Variants in RNF17 observed in about 807,000 individuals in gnomAD.
RNF17 encodes ring finger protein 17.
A neutral mutation model predicts 200.5 loss-of-function variants in RNF17; 31 were observed. The observed-to-expected ratio is 0.15, with a 90% CI of 0.12 to 0.21. The LOEUF is 0.21. Among genes scored for constraint, RNF17 ranks in the 10% least tolerant of loss-of-function variants. The probability of loss-of-function intolerance (pLI) is 1.00; values close to 1 mark genes in which losing one functional copy is unlikely to be tolerated. For synonymous variants in RNF17, 606 were observed against 637.8 expected (o/e 0.95, Z 0.75); for missense variants, 1,628 against 1,905.1 (o/e 0.85, Z 2.71).
upstream of RNF17, among the ~76,000 whole-genome samples, chr13:24,761,491 T>C (rs1878736121): frequency 6.6e-6 from 1 of 152,234 alleles, no homozygotes; most frequent in Non-Finnish European, 1.5e-5. Flanking sequence ...TGAAACTTTC[T>C]AAAAGACATT....
At chr13:24,849,764 T>A (rs1179992093) in intron 22 of RNF17, among the ~76,000 whole-genome samples, 1 of 152,208 alleles carries the variant, frequency 6.6e-6, no homozygotes, top group Non-Finnish European at 1.5e-5. Flanking sequence ...ATGTAAAAAA[T>A]TTTGTTGAAT....
At chr13:24,778,855 T>C (rs941500723) in intron 4 of RNF17, among the ~76,000 whole-genome samples, 2 of 152,168 alleles carry the variant, frequency 1.3e-5, no homozygotes, top group East Asian at 3.8e-4. Flanking sequence ...AGATTAGAAA[T>C]AGAACAAACT....
chr13:24,778,046 G>T (rs1240260053), intron 3 of RNF17, among the ~76,000 whole-genome samples: 2 of 152,140 alleles, frequency 1.3e-5, no homozygotes, highest in African/African-American at 4.8e-5. Context: ...TAGATCACTT[G>T]AGCTTAGGAT....
intron 24 of RNF17, among the ~76,000 whole-genome samples, chr13:24,852,190 G>A (rs1891981055): frequency 6.8e-6 from 1 of 146,746 alleles, no homozygotes; most frequent in African/African-American, 2.5e-5. Context: ...CCAGGCTGGA[G>A]TGCAGTGGCG....
chr13:24,867,643 A>G (rs983875289), intron 30 of RNF17, among the ~76,000 whole-genome samples: 2 of 152,188 alleles, frequency 1.3e-5, no homozygotes, highest in African/African-American at 4.8e-5. Context: ...GTTTTACTTA[A>G]GATAATTACC....
intron 1 of RNF17, 132 bp downstream of exon 1, chr13:24,764,465 C>T: frequency 7.7e-7 from 1 of 1,302,412 alleles, no homozygotes; most frequent in African/African-American, 1.5e-5. Context: ...GCGTCACAGG[C>T]CTCCCGCGAG....
chr13:24,833,024 G>A lies in RNF17; in HGVS notation c.2482+1046G>A, dbSNP rs370515566. ...GCCTCCCAAAGTTCTGGGATTACAG[G>A]TGTGAGCCACTTTGCCTGACTGGGA... On this transcript the variant is annotated intron_variant, in intron 18 of 35. Coordinates refer to ENST00000255324, the MANE Select transcript of RNF17 (RefSeq NM_031277.3). Among the ~76,000 whole-genome samples the A allele has an allele frequency of 3.3e-5, 5 of 152,182 alleles. No individual in the cohort carries two copies. In the East Asian group the frequency reaches 7.7e-4, roughly 23 times the overall value.
At chr13:24,748,536 A>G in the RNF17 span, among the ~76,000 whole-genome samples, 1 of 152,230 alleles carries the variant, frequency 6.6e-6, no homozygotes, top group Non-Finnish European at 1.5e-5. Context: ...TATTTTGCAG[A>G]TTTAATCTGC....
chr13:24,886,189 G>C, the RNF17 span: 1 of 623,756 alleles, frequency 1.6e-6, no homozygotes, highest in South Asian at 1.5e-5. Context: ...TGAAGTGCCA[G>C]TATTTTCATC....
chr13:24,773,345 G>A (rs770876691), intron 2 of RNF17, among the ~76,000 whole-genome samples: 3 of 152,154 alleles, frequency 2.0e-5, no homozygotes, highest in Non-Finnish European at 2.9e-5. Context: ...AATGTTGTAC[G>A]TATACACCAC....
chr13:24,835,880 A>C (rs183165577), intron 18 of RNF17, among the ~76,000 whole-genome samples: 1 of 152,344 alleles, frequency 6.6e-6, no homozygotes, highest in African/African-American at 2.4e-5. Context: ...AATCAGGGAG[A>C]AAGGCGAAGC....
At chr13:24,868,524 G>A (rs958410899) in intron 30 of RNF17, 76 bp from the exon 31 acceptor site, 23 of 647,622 alleles carry the variant, frequency 3.6e-5, no homozygotes, top group Non-Finnish European at 6.5e-5. Flanking sequence ...AGGTAAATTG[G>A]CACCATCATG....
chr13:24,876,949 A>G (rs1894926453), intron 33 of RNF17, 48 bp from the exon 34 acceptor site: 1 of 1,426,410 alleles, frequency 7.0e-7, no homozygotes, highest in Non-Finnish European at 9.5e-7. Flanking sequence ...AGAATTGGAT[A>G]GTTTCAGCCG....
the RNF17 span, among the ~76,000 whole-genome samples, chr13:24,748,342 G>A: frequency 2.6e-5 from 4 of 152,226 alleles, no homozygotes; most frequent in Non-Finnish European, 5.9e-5. Context: ...GGCACATGCG[G>A]CTCATAGCCC....
intron 15 of RNF17, 63 bp downstream of exon 15, chr13:24,804,492 C>T: frequency 8.0e-7 from 1 of 1,255,696 alleles, no homozygotes; most frequent in Admixed American, 2.4e-5. Flanking sequence ...ACATGTATAA[C>T]AAGAATGAGT....
chr13:24,859,563 T>C (rs17401319), intron 26 of RNF17, among the ~76,000 whole-genome samples: 18,951 of 151,884 alleles, frequency 0.12, 1,266 homozygotes, highest in Non-Finnish European at 0.16. Context: ...TAACTAACAC[T>C]CAGGTTTCAG....
intron 5 of RNF17, 98 bp downstream of exon 5, chr13:24,779,845 A>G (rs1882107080): frequency 2.3e-6 from 2 of 873,906 alleles, no homozygotes; most frequent in Middle Eastern, 2.2e-4. Context: ...AGAGCTTAGC[A>G]CTGAGTTATT....
intron 13 of RNF17, 95 bp from the exon 14 acceptor site, chr13:24,802,286 G>T: frequency 8.9e-7 from 1 of 1,127,908 alleles, no homozygotes; most frequent in South Asian, 1.7e-5. Context: ...TTTGTTCGCA[G>T]TTGCGTCTGT....
At chr13:24,840,860 C>T (rs548587020) in intron 18 of RNF17, among the ~76,000 whole-genome samples, 1 of 152,206 alleles carries the variant, frequency 6.6e-6, no homozygotes, top group African/African-American at 2.4e-5. Context: ...TAACCAAATA[C>T]CACGTGTACC....
Sources: gnomAD v4.1 joint callset for allele counts (sites outside exome capture counted in the v4.1 genomes callset) on GRCh38, gnomAD v4.1.1 for gene constraint, MANE v1.5 for transcripts, NCBI Gene and HGNC (gene_info 2026-07-23, HGNC 2026-07-21) for gene names.